WDR44: variants seen among roughly 807,000 people sequenced by gnomAD.
WDR44 encodes the protein WD repeat domain 44.
In WDR44, 9 loss-of-function variants were observed where a neutral mutation model predicts 65.7. The ratio of observed to expected loss-of-function variants is 0.14; its 90% CI spans 0.08 to 0.24. The LOEUF is 0.24. Ranked by LOEUF, WDR44 falls within the 10% of genes least tolerant of loss-of-function variation. The probability of loss-of-function intolerance (pLI) is 1.00; values close to 1 mark genes in which losing one functional copy is unlikely to be tolerated. For synonymous variants in WDR44, 220 were observed against 235.2 expected (o/e 0.94, Z 0.59); for missense variants, 425 against 670.9 (o/e 0.63, Z 4.05).
chrX:118,346,258 C>A lies in WDR44; in HGVS notation c.-246C>A, dbSNP rs373059485. On this transcript the variant is annotated 5_prime_UTR_variant, in exon 1 of 20. Transcript: ENST00000254029. ...ATACACCTATCACTGGGAGCGGTGG[C>A]AGCAACATTCCCTGGACCAACCGCC... 981 of 391,578 alleles carry A rather than the reference C, an allele frequency of 2.5e-3. 11 individuals are homozygous for A. In the Admixed American group the frequency reaches 0.032, roughly 13 times the overall value. The allele number at this position is 391,578 out of a possible 1,213,427, so 32.3% of individuals were successfully genotyped here. A position where few individuals can be genotyped will look rare whatever the true frequency, so the allele number is the denominator to read the frequency against.
At chrX:118,408,429 G>A (rs1187917068) in intron 10 of WDR44, among the ~76,000 whole-genome samples, 7 of 106,312 alleles carry the variant, frequency 6.6e-5, no homozygotes, top group Admixed American at 5.1e-4. Context: ...GCAGAGTCTC[G>A]CTCTGTCACC....
At position 118,438,033 on chromosome X, in the gene WDR44, A is replaced by AAT. The variant is rs1455315074; in HGVS notation, c.1974+1210_1974+1211insTA. On this transcript the variant is annotated intron_variant, in intron 14 of 19. Transcript: ENST00000254029. ...AGAGCGAGACTCTGTCTCAAAATAA[A>AAT]AAAAAAAAAAAGAGGAAGAAGACTT... 2.7e-5 allele frequency among the ~76,000 whole-genome samples: 3 copies of AAT among 109,441 alleles called. No individual in the cohort carries two copies. In the East Asian group the frequency reaches 8.6e-4, roughly 31 times the overall value.
intron 11 of WDR44, among the ~76,000 whole-genome samples, chrX:118,410,227 C>T (rs1043308485): frequency 9.0e-6 from 1 of 111,067 alleles, no homozygotes; most frequent in Non-Finnish European, 1.9e-5. Context: ...ACACCCTCCC[C>T]GCCATCAAGT....
chrX:118,423,235 C>T (rs896854040), intron 12 of WDR44, among the ~76,000 whole-genome samples: 5 of 110,522 alleles, frequency 4.5e-5, no homozygotes, highest in African/African-American at 1.6e-4. Flanking sequence ...GTGGCACAAT[C>T]TTGGCTCACT....
intron 8 of WDR44, among the ~76,000 whole-genome samples, chrX:118,398,865 C>A (rs1159384628): frequency 1.8e-5 from 2 of 110,980 alleles, no homozygotes; most frequent in African/African-American, 6.6e-5. Context: ...AGGTGGACTC[C>A]ACTGCACTCC....
At position 118,402,762 on chromosome X, in the gene WDR44, T is replaced by C. The variant is rs748782541; in HGVS notation, c.1275-1576T>C. ...GACTCTGTCTCAATTAAAAACAATT[T>C]ATAAAAAAGACATTCGTGGTCTCTG... On this transcript the variant is annotated intron_variant, in intron 8 of 19. Transcript: ENST00000254029. Among the ~76,000 whole-genome samples, 497 of 111,914 alleles carry C rather than the reference T, an allele frequency of 4.4e-3. 1 individual carries two copies. Among genetic ancestry groups the C allele is most frequent in the African/African-American group, 0.015 (468 of 30,859 alleles).
At position 118,393,889 on chromosome X, in the gene WDR44, C is replaced by CT. The variant is rs776968607; in HGVS notation, c.827-158dup. 3.9e-3 allele frequency among the ~76,000 whole-genome samples: 429 copies of CT among 111,027 alleles called. 1 individual carries two copies. The highest frequency in any genetic ancestry group is 0.013 in the African/African-American group (404 of 30,624). On this transcript the variant is annotated intron_variant, in intron 4 of 19. Transcript: ENST00000254029. ...TAAAGTCTGAATTCAAGTCCTGCAT[C>CT]TTTTTTTTGTATGAGCTGTATAGTC...
chrX:118,429,799 C>T (rs889352163), intron 12 of WDR44, among the ~76,000 whole-genome samples: 4 of 110,262 alleles, frequency 3.6e-5, no homozygotes, highest in African/African-American at 6.6e-5. Flanking sequence ...GTGTGCACCA[C>T]GCCCGGCTAA....
intron 1 of WDR44, among the ~76,000 whole-genome samples, chrX:118,349,740 G>A (rs2056387367): frequency 9.1e-6 from 1 of 110,345 alleles, no homozygotes; most frequent in African/African-American, 3.3e-5. Context: ...AGGAGAGACG[G>A]GGTTTCACCA....
intron 1 of WDR44, among the ~76,000 whole-genome samples, chrX:118,368,712 C>CTTTT (rs57659623): frequency 4.2e-5 from 3 of 70,817 alleles, no homozygotes; most frequent in African/African-American, 2.2e-4. Context: ...CATACTCTTC[C>CTTTT]TTTTTTTTTT....
intron 1 of WDR44, among the ~76,000 whole-genome samples, chrX:118,364,450 GTC>G (rs2056536939): frequency 8.9e-6 from 1 of 112,054 alleles, no homozygotes; most frequent in Non-Finnish European, 1.9e-5. Context: ...ATGTGCTTGT[GTC>G]TCTCATTGCA....
chrX:118,352,521 A>T (rs2056424539), intron 1 of WDR44, among the ~76,000 whole-genome samples: 2 of 104,369 alleles, frequency 1.9e-5, no homozygotes, highest in Admixed American at 2.1e-4. Flanking sequence ...TTAAAAACCT[A>T]AATAGTTTTA....
rs992388437 is a variant in WDR44, at chrX:118,346,411, A to C, written c.-93A>C. 2.2e-5 allele frequency: 17 copies of C among 773,495 alleles called. No individual in the cohort carries two copies. The highest frequency in any genetic ancestry group is 3.0e-5 in the Non-Finnish European group (15 of 506,185). 63.7% of individuals were successfully genotyped at this position (773,495 alleles called of 1,213,427 possible). A position where few individuals can be genotyped will look rare whatever the true frequency, so the allele number is the denominator to read the frequency against. On this transcript the variant is annotated 5_prime_UTR_variant, in exon 1 of 20. Transcript: ENST00000254029. ...AGCCTCGCCCGAGACCCACTTCCCC[A>C]GTCTCGCCCGGGTGGAGGTCGACGA...
intron 14 of WDR44, among the ~76,000 whole-genome samples, chrX:118,439,935 C>G (rs2057289479): frequency 1.9e-5 from 2 of 107,941 alleles, no homozygotes; most frequent in African/African-American, 3.4e-5. Flanking sequence ...GCCTGGGCAA[C>G]ATAGGGAGAC....
intron 1 of WDR44, among the ~76,000 whole-genome samples, chrX:118,371,283 T>C (rs1277154672): frequency 2.7e-5 from 3 of 111,738 alleles, no homozygotes; most frequent in African/African-American, 9.8e-5. Flanking sequence ...AGAATGGTAG[T>C]TTCCGGGGGT....
intron 19 of WDR44, among the ~76,000 whole-genome samples, chrX:118,448,383 A>T (rs1338531215): frequency 8.9e-6 from 1 of 111,974 alleles, no homozygotes; most frequent in African/African-American, 3.2e-5. Flanking sequence ...TAAGGACCAT[A>T]TGGCAAAAGG....
Position 118,449,026 on chromosome X carries a change from C to A in WDR44, c.*39C>A. ...TTAAAATAAACATATCAGTAAGTTT[C>A]TATATGTATCAAAACTGAAAAAATA... On this transcript the variant is annotated 3_prime_UTR_variant, in exon 20 of 20. Coordinates refer to ENST00000254029, the MANE Select transcript of WDR44 (RefSeq NM_019045.5). 1 of 922,426 alleles carries A rather than the reference C, an allele frequency of 1.1e-6. No individual in the cohort carries two copies. Among genetic ancestry groups the A allele is most frequent in the Non-Finnish European group, 1.5e-6 (1 of 660,350 alleles). The allele number at this position is 922,426 out of a possible 1,213,427, so 76.0% of individuals were successfully genotyped here.
intron 12 of WDR44, among the ~76,000 whole-genome samples, chrX:118,424,259 GTTATC>G (rs200681102): frequency 7.0e-4 from 59 of 84,511 alleles, no homozygotes; most frequent in East Asian, 6.5e-3. Flanking sequence ...ACTAATACTT[GTTATC>G]TTATATATAT....
At chrX:118,377,169 G>A (rs1400094772) in intron 1 of WDR44, among the ~76,000 whole-genome samples, 2 of 110,187 alleles carry the variant, frequency 1.8e-5, no homozygotes, top group Non-Finnish European at 3.8e-5. Flanking sequence ...ACCAGCCTGG[G>A]CAACATAGTG....
Sources: allele counts gnomAD v4.1 joint callset (sites outside exome capture counted in the v4.1 genomes callset), GRCh38; gene constraint gnomAD v4.1.1; transcripts MANE v1.5; gene names NCBI Gene and HGNC (gene_info 2026-07-23, HGNC 2026-07-21).